Variants in CSPP1 observed in about 807,000 individuals in gnomAD.
The protein encoded by CSPP1 is centrosome and spindle pole associated protein 1.
In CSPP1, 126 loss-of-function variants were observed where a neutral mutation model predicts 164.4. The observed-to-expected ratio is 0.77, with a 90% CI of 0.66 to 0.89. The LOEUF is 0.89. CSPP1 is among the 40% of genes least tolerant of loss of function. CSPP1 has a pLI of 0.00. For missense variants in CSPP1, 1,395 were observed against 1,449.8 expected (o/e 0.96, Z 0.61); for synonymous variants, 472 against 476.7 (o/e 0.99, Z 0.13).
chr8:67,125,048 C>T (rs1030784763), intron 15 of CSPP1, among the ~76,000 whole-genome samples: 1 of 152,090 alleles, frequency 6.6e-6, no homozygotes, highest in Non-Finnish European at 1.5e-5. Flanking sequence ...TTTATATTTG[C>T]CCATGTAATT....
intron 11 of CSPP1, 143 bp downstream of exon 11, chr8:67,114,005 A>T (rs1449079793): frequency 7.5e-6 from 4 of 535,362 alleles, no homozygotes; most frequent in Non-Finnish European, 1.4e-5. Flanking sequence ...TTCAGTTCTC[A>T]TAAAGTGTAA....
intron 23 of CSPP1, 36 bp downstream of exon 23, chr8:67,163,834 TTC>T (rs748125544): frequency 2.0e-6 from 3 of 1,474,990 alleles, no homozygotes; most frequent in Non-Finnish European, 2.8e-6. Flanking sequence ...CCTAGAGTAT[TTC>T]TCTTTTTAAC....
intron 11 of CSPP1, 159 bp downstream of exon 11, chr8:67,114,021 CTTAACTG>C: frequency 2.0e-6 from 1 of 500,978 alleles, no homozygotes; most frequent in East Asian, 3.1e-5. Context: ...TGTAAATTCT[CTTAACTG>C]TTATTTCCTT....
At chr8:67,183,611 A>G (rs1019887651) in intron 28 of CSPP1, among the ~76,000 whole-genome samples, 5 of 152,210 alleles carry the variant, frequency 3.3e-5, no homozygotes, top group African/African-American at 1.2e-4. Context: ...AATGAAAATG[A>G]AAATACAACT....
intron 9 of CSPP1, 72 bp downstream of exon 9, chr8:67,106,047 G>A (rs1328057674): frequency 1.4e-5 from 11 of 779,544 alleles, no homozygotes; most frequent in African/African-American, 1.0e-4. Flanking sequence ...TGAGAACTCA[G>A]TGTTGTAATT....
chr8:67,147,646 C>T (rs1410957869), intron 17 of CSPP1, among the ~76,000 whole-genome samples: 1 of 152,112 alleles, frequency 6.6e-6, no homozygotes, highest in Non-Finnish European at 1.5e-5. Flanking sequence ...CTTCTTTGAA[C>T]TGGCTTGACA....
chr8:67,163,828 G>C, intron 23 of CSPP1, 30 bp downstream of exon 23: 1 of 1,499,212 alleles, frequency 6.7e-7, no homozygotes, highest in Non-Finnish European at 9.2e-7. Context: ...CTGTTACCTA[G>C]AGTATTTCTC....
intron 15 of CSPP1, 82 bp from the exon 16 acceptor site, chr8:67,131,869 C>A: frequency 8.2e-7 from 1 of 1,215,718 alleles, no homozygotes; most frequent in Non-Finnish European, 1.1e-6. Context: ...ATTTATATGC[C>A]ATGCTATTTC....
Position 67,132,762 on chromosome 8 carries a change from C to T in CSPP1, c.1827+682C>T, listed in dbSNP as rs553351750. Among the ~76,000 whole-genome samples, 3 of 152,222 alleles carry T rather than the reference C, an allele frequency of 2.0e-5. No homozygotes were observed. The East Asian group carries it at 5.8e-4, about 29-fold the overall frequency. On this transcript the variant is annotated intron_variant, in intron 16 of 30. Coordinates refer to ENST00000678616, the MANE Select transcript of CSPP1 (RefSeq NM_001382391.1). ...AGGCTATAAACCAAAATGGGGAATA[C>T]AGGTAGTAGTTCATGTTTACAGAGG...
Position 67,195,711 on chromosome 8 carries a change from T to C in CSPP1, c.*118T>C, listed in dbSNP as rs1837804902. On this transcript the variant is annotated 3_prime_UTR_variant, in exon 31 of 31. Transcript: ENST00000678616. ...AAAGTTACTTTTTTTCCATCATCTG[T>C]ATATAAAATTATTTTTATCATGATG... The C allele has an allele frequency of 1.1e-5, 8 of 706,528 alleles. No homozygotes were observed. In the South Asian group the frequency reaches 1.5e-4, roughly 14 times the overall value. The allele number at this position is 706,528 out of a possible 1,614,324, so 43.8% of individuals were successfully genotyped here.
intron 16 of CSPP1, chr8:67,134,592 C>T (rs1821873123): frequency 7.2e-6 from 1 of 138,656 alleles, no homozygotes; most frequent in Non-Finnish European, 1.5e-5. Context: ...CGGAGTCTCA[C>T]ACTGTCACCC....
At chr8:67,065,526 G>C in intron 1 of CSPP1, 1 of 982,244 alleles carries the variant, frequency 1.0e-6, no homozygotes, top group Non-Finnish European at 1.2e-6. Context: ...AAGCTCCATG[G>C]AAGCTATTGA....
At chr8:67,080,698 G>A (rs1209052125) in intron 3 of CSPP1, among the ~76,000 whole-genome samples, 1 of 152,242 alleles carries the variant, frequency 6.6e-6, no homozygotes. Context: ...ACTCAAGAAA[G>A]TGCTGTACTT....
In CSPP1 at chr8:67,092,646, T is replaced by C. The variant is rs376508430; in HGVS notation, c.384+763T>C. Among the ~76,000 whole-genome samples, 59 of 152,230 alleles carry C rather than the reference T, an allele frequency of 3.9e-4. No individual in the cohort carries two copies. In the East Asian group the frequency reaches 0.01, roughly 26 times the overall value. ...TTTTAGTAGAGATGGTGTTTCACAATGTAGGCCAGGCTGGTCTCGAGCTCC... is the reference window on the plus strand; with the variant it reads ...TTTTAGTAGAGATGGTGTTTCACAACGTAGGCCAGGCTGGTCTCGAGCTCC... On this transcript the variant is annotated intron_variant, in intron 5 of 30. Transcript: ENST00000678616.
chr8:67,113,789 CT>C lies in CSPP1; in HGVS notation c.1188-13del. ...TACTATATCTTTTTAATATGTAAAA[CT>C]TTAATTTTGTTTAGAGAAAAAGATT... On this transcript the variant is annotated splice_polypyrimidine_tract_variant and intron_variant, in intron 10 of 30. Transcript: ENST00000678616. The C allele has an allele frequency of 6.9e-7, 1 of 1,448,886 alleles. No homozygotes were observed. The allele number at this position is 1,448,886 out of a possible 1,614,324, so 89.8% of individuals were successfully genotyped here. A position where few individuals can be genotyped will look rare whatever the true frequency, so the allele number is the denominator to read the frequency against.
intron 17 of CSPP1, 121 bp from the exon 18 acceptor site, chr8:67,149,662 A>C (rs1825309756): frequency 1.6e-6 from 1 of 613,010 alleles, no homozygotes; most frequent in African/African-American, 1.9e-5. Flanking sequence ...CATATCATTG[A>C]ATTATTCCCA....
intron 28 of CSPP1, among the ~76,000 whole-genome samples, chr8:67,187,104 T>C (rs1237658513): frequency 1.3e-5 from 2 of 152,130 alleles, no homozygotes; most frequent in Non-Finnish European, 2.9e-5. Context: ...TTCATGACCA[T>C]GCACAGGATG....
intron 7 of CSPP1, among the ~76,000 whole-genome samples, chr8:67,096,661 T>C (rs922399637): frequency 6.6e-6 from 1 of 151,208 alleles, no homozygotes; most frequent in African/African-American, 2.4e-5. Flanking sequence ...GGTCAGGAGT[T>C]TGAGACCAAA....
chr8:67,103,038 A>T lies in CSPP1; in HGVS notation c.925A>T (p.Met309Leu). ...TTTATAAGCTAATGTGTTTTTAAGG[A>T]TGCACAGGAACAAACGAGGGAATAT... ...RLSRVYTNDR[M>L]HRNKRGNMPP... is the part of the protein sequence containing the mutation. The change falls in exon 8 of 31, where the codon ATG (methionine) becomes TTG (leucine). Residue 309 changes from methionine to leucine, a missense_variant and splice_region_variant. Met to Leu is a conservative substitution (Grantham distance 15, BLOSUM62 2). Coordinates refer to ENST00000678616, the MANE Select transcript of CSPP1 (RefSeq NM_001382391.1). 1.3e-6 allele frequency: 2 copies of T among 1,592,042 alleles called. No homozygotes were observed. The highest frequency in any genetic ancestry group is 8.6e-7 in the Non-Finnish European group (1 of 1,160,024).
Sources: gnomAD v4.1 joint callset for allele counts (sites outside exome capture counted in the v4.1 genomes callset) on GRCh38, gnomAD v4.1.1 for gene constraint, MANE v1.5 for transcripts, NCBI Gene and HGNC (gene_info 2026-07-23, HGNC 2026-07-21) for gene names.